Variants in BNC2 observed in about 807,000 individuals in gnomAD.
BNC2 encodes basonuclin zinc finger protein 2.
In BNC2, 20 loss-of-function variants were observed where a neutral mutation model predicts 76.3. The ratio of observed to expected loss-of-function variants is 0.26; its 90% confidence interval spans 0.18 to 0.38. The LOEUF (loss-of-function observed/expected upper bound fraction) is 0.38. BNC2 is among the 10% of genes least tolerant of loss of function. BNC2 has a pLI of 1.00. For synonymous variants in BNC2, 582 were observed against 514.8 expected, an observed-to-expected ratio of 1.13 and a Z score of -1.77; for missense variants, 1,382 against 1,399.8, an observed-to-expected ratio of 0.99 and a Z score of 0.20.
intron 2 of BNC2, among the ~76,000 whole-genome samples, chr9:16,736,941 G>A (rs1376562545): frequency 6.6e-6 from 1 of 151,830 alleles, no homozygotes; most frequent in Non-Finnish European, 1.5e-5. Flanking sequence ...CGAGTAGCTG[G>A]GATTACAGGC....
intron 5 of BNC2, among the ~76,000 whole-genome samples, chr9:16,501,030 T>C (rs1390798390): frequency 6.6e-6 from 1 of 152,198 alleles, no homozygotes; most frequent in Non-Finnish European, 1.5e-5. Flanking sequence ...GCTCTGCCAC[T>C]TATAACTATA....
At chr9:16,483,772 A>G (rs35329536) in intron 5 of BNC2, among the ~76,000 whole-genome samples, 39,047 of 152,008 alleles carry the variant, frequency 0.26, 5,369 homozygotes, top group East Asian at 0.35. Flanking sequence ...CTGCCCTTGT[A>G]TAAGATTTCC....
intron 1 of BNC2, among the ~76,000 whole-genome samples, chr9:16,848,354 T>C (rs1477080472): frequency 3.3e-5 from 5 of 152,114 alleles, no homozygotes; most frequent in African/African-American, 4.8e-5. Flanking sequence ...ACATAAAGCT[T>C]GTAATTAAGT....
intron 3 of BNC2, among the ~76,000 whole-genome samples, chr9:16,695,692 C>T (rs10511624): frequency 0.6 from 90,927 of 151,784 alleles, 30,975 homozygotes; most frequent in Non-Finnish European, 0.79. Context: ...CTCTCTTACA[C>T]GCATTCTCGT....
chr9:16,587,215 T>C (rs74922489), intron 3 of BNC2, among the ~76,000 whole-genome samples: 2 of 149,942 alleles, frequency 1.3e-5, no homozygotes, highest in African/African-American at 4.9e-5. Flanking sequence ...TTTTTTTTTT[T>C]CCTTCTGTTT....
intron 1 of BNC2, among the ~76,000 whole-genome samples, chr9:16,803,851 G>C (rs1586897077): frequency 6.6e-6 from 1 of 152,222 alleles, no homozygotes; most frequent in African/African-American, 2.4e-5. Context: ...ACTCTAAGGA[G>C]TGCGATCTTG....
chr9:16,469,411 G>C (rs1001881337), intron 5 of BNC2, among the ~76,000 whole-genome samples: 2 of 152,192 alleles, frequency 1.3e-5, no homozygotes, highest in Admixed American at 6.5e-5. Flanking sequence ...TTCTGCTTTT[G>C]CTTCTTCCTC....
rs570781987 is a variant in BNC2 at position 16,674,649 on chromosome 9, T to G, written c.330+53148A>C. ...CTTTAAGACAATAACAGATATCAGC[T>G]ATATCATCTGTTTTTGATTATAAAC... On this transcript the variant is annotated intron_variant, in intron 3 of 6. Transcript: ENST00000380672. 2.0e-5 allele frequency among the ~76,000 whole-genome samples: 3 copies of G among 152,346 alleles called. No homozygotes were observed. The East Asian group carries it at 5.8e-4, about 29-fold the overall frequency.
chr9:16,760,544 C>T (rs1825523549), intron 1 of BNC2, among the ~76,000 whole-genome samples: 2 of 152,054 alleles, frequency 1.3e-5, no homozygotes, highest in African/African-American at 4.8e-5. Context: ...AGGATAAATC[C>T]AAGCCTGGTT....
At chr9:16,821,557 T>C (rs534138009) in intron 1 of BNC2, among the ~76,000 whole-genome samples, 23 of 152,336 alleles carry the variant, frequency 1.5e-4, no homozygotes, top group African/African-American at 5.1e-4. Context: ...GTGTCTTAGC[T>C]ACCTCCACAA....
chr9:16,498,206 CATATATATATTCCATCAT>C (rs1316913964), intron 5 of BNC2, among the ~76,000 whole-genome samples: 15,930 of 116,990 alleles, frequency 0.14, 1,905 homozygotes, highest in East Asian at 0.19. Flanking sequence ...TATATTCCAT[CATATATATATTCCATCAT>C]ATATATATAT....
chr9:16,723,955 GAC>G (rs762313066), intron 3 of BNC2, among the ~76,000 whole-genome samples: 103 of 152,174 alleles, frequency 6.8e-4, no homozygotes, highest in Middle Eastern at 6.8e-3. Flanking sequence ...TCTTTAATAA[GAC>G]ACAGTTTCAC....
intron 5 of BNC2, among the ~76,000 whole-genome samples, chr9:16,504,859 TAAA>T (rs1822593010): frequency 1.3e-5 from 2 of 151,968 alleles, no homozygotes; most frequent in South Asian, 4.2e-4. Context: ...CCTCATCTCT[TAAA>T]AAACAAAAAA....
intron 5 of BNC2, among the ~76,000 whole-genome samples, chr9:16,481,579 T>C (rs1822057957): frequency 6.6e-6 from 1 of 152,240 alleles, no homozygotes; most frequent in Non-Finnish European, 1.5e-5. Context: ...ACTTCATTCT[T>C]GAAGTCAGTG....
At chr9:16,568,778 G>C (rs1819235748) in intron 4 of BNC2, among the ~76,000 whole-genome samples, 1 of 152,140 alleles carries the variant, frequency 6.6e-6, no homozygotes, top group South Asian at 2.1e-4. Context: ...TGAATCAGGA[G>C]ATCGTGAAGG....
Position 16,536,914 on chromosome 9 carries a change from G to A in BNC2, c.669+15616C>T, listed in dbSNP as rs180739109. Among the ~76,000 whole-genome samples the A allele has an allele frequency of 2.4e-4, 37 of 151,986 alleles. 1 individual carries two copies. In the East Asian group the frequency reaches 6.2e-3, roughly 25 times the overall value. ...ACTGTATGCTCCTCAAGGTTAGTTC[G>A]GCTATATAGAGGCAATTCCTTCCAT... On this transcript the variant is annotated intron_variant, in intron 5 of 6. Coordinates refer to ENST00000380672, the MANE Select transcript of BNC2 (RefSeq NM_017637.6).
chr9:16,599,749 C>T (rs1379752910), intron 3 of BNC2, among the ~76,000 whole-genome samples: 1 of 152,226 alleles, frequency 6.6e-6, no homozygotes, highest in East Asian at 1.9e-4. Flanking sequence ...CGCCACTGCA[C>T]TCCCACCTAG....
intron 5 of BNC2, among the ~76,000 whole-genome samples, chr9:16,514,104 C>T (rs2131969883): frequency 6.6e-6 from 1 of 152,274 alleles, no homozygotes; most frequent in South Asian, 2.1e-4. Flanking sequence ...GAAATCTGAA[C>T]CACCAAAGTC....
chr9:16,846,834 T>C (rs1818994650), intron 1 of BNC2, among the ~76,000 whole-genome samples: 1 of 152,154 alleles, frequency 6.6e-6, no homozygotes, highest in Non-Finnish European at 1.5e-5. Context: ...TAAAAAGAAA[T>C]CCTATAAAAT....
Sources: gnomAD v4.1 joint callset for allele counts (sites outside exome capture counted in the v4.1 genomes callset) on GRCh38, gnomAD v4.1.1 for gene constraint, MANE v1.5 for transcripts, NCBI Gene and HGNC (gene_info 2026-07-23, HGNC 2026-07-21) for gene names.